TSPAN9: variants seen among roughly 807,000 people sequenced by gnomAD.
TSPAN9 encodes the protein tetraspanin-9.
TSPAN9 carries 16 observed loss-of-function variants against 31.0 expected under a neutral mutation model. The ratio of observed to expected loss-of-function variants is 0.52; its 90% CI spans 0.35 to 0.78. TSPAN9 has a LOEUF of 0.78. Among genes scored for constraint, TSPAN9 ranks in the 30% least tolerant of loss-of-function variants. The pLI, the probability that TSPAN9 is intolerant of heterozygous loss-of-function variation, is 0.01. For missense variants in TSPAN9, 272 were observed against 312.5 expected, an observed-to-expected ratio of 0.87 and a Z score of 0.98; for synonymous variants, 145 against 121.6, an observed-to-expected ratio of 1.19 and a Z score of -1.27.
intron 3 of TSPAN9, among the ~76,000 whole-genome samples, chr12:3,251,814 G>A (rs116213988): frequency 5.3e-4 from 80 of 152,290 alleles, no homozygotes; most frequent in African/African-American, 1.9e-3. Context: ...GGATAGGAGT[G>A]TTATGCTGGA....
intron 3 of TSPAN9, among the ~76,000 whole-genome samples, chr12:3,246,099 T>G (rs1479584233): frequency 2.0e-5 from 3 of 149,974 alleles, no homozygotes; most frequent in African/African-American, 7.3e-5. Context: ...TGGCTTCTGC[T>G]GAGGCCTCAG....
At chr12:3,109,236 A>G (rs373741895) in intron 2 of TSPAN9, among the ~76,000 whole-genome samples, 7 of 145,100 alleles carry the variant, frequency 4.8e-5, no homozygotes, top group African/African-American at 7.8e-5. Context: ...GCTCCTGGCC[A>G]GGAGGAAGGA....
At chr12:3,251,112 T>G (rs1862237550) in intron 3 of TSPAN9, among the ~76,000 whole-genome samples, 1 of 151,570 alleles carries the variant, frequency 6.6e-6, no homozygotes, top group Non-Finnish European at 1.5e-5. Flanking sequence ...GGATTTCAGT[T>G]GGTGACTTTG....
At chr12:3,178,232 T>C (rs566104055) in intron 2 of TSPAN9, among the ~76,000 whole-genome samples, 15 of 152,242 alleles carry the variant, frequency 9.9e-5, no homozygotes, top group Admixed American at 2.0e-4. Context: ...TTTCCCTCCA[T>C]TTGCATTTCT....
chr12:3,184,789 C>G (rs1213148202), intron 2 of TSPAN9, among the ~76,000 whole-genome samples: 2 of 152,048 alleles, frequency 1.3e-5, no homozygotes, highest in Non-Finnish European at 2.9e-5. Context: ...TCTGTGCGTT[C>G]CTTCTCAAGC....
intron 3 of TSPAN9, among the ~76,000 whole-genome samples, chr12:3,277,253 C>A (rs1349773509): frequency 6.6e-6 from 1 of 152,238 alleles, no homozygotes; most frequent in East Asian, 1.9e-4. Context: ...CAAGCCCTTA[C>A]CACCTGCACT....
intron 3 of TSPAN9, among the ~76,000 whole-genome samples, chr12:3,244,881 C>T (rs1218191321): frequency 6.6e-6 from 1 of 152,198 alleles, no homozygotes; most frequent in East Asian, 1.9e-4. Context: ...CCTCCTGGGG[C>T]AGTGGACACA....
At chr12:3,176,442 G>C (rs1260540218) in intron 2 of TSPAN9, among the ~76,000 whole-genome samples, 1 of 152,202 alleles carries the variant, frequency 6.6e-6, no homozygotes, top group African/African-American at 2.4e-5. Context: ...GCACCTCATG[G>C]CTGCTAGTTA....
chr12:3,110,941 G>C (rs75546508), intron 2 of TSPAN9, among the ~76,000 whole-genome samples: 87 of 152,278 alleles, frequency 5.7e-4, no homozygotes, highest in Non-Finnish European at 1.1e-3. Context: ...AAAGCATCCA[G>C]TTTAGAAAGG....
At chr12:3,272,123 AG>A (rs1211970287) in intron 3 of TSPAN9, among the ~76,000 whole-genome samples, 6 of 152,150 alleles carry the variant, frequency 3.9e-5, no homozygotes, top group African/African-American at 1.4e-4. Flanking sequence ...TGAGGGTGTC[AG>A]GGGGGCCAGG....
intron 4 of TSPAN9, 71 bp downstream of exon 4, chr12:3,278,683 A>G: frequency 3.2e-6 from 5 of 1,558,182 alleles, no homozygotes; most frequent in Non-Finnish European, 4.3e-6. Flanking sequence ...GGGACAGGCA[A>G]GACCTGGAAT....
At chr12:3,241,709 C>G (rs942516887) in intron 3 of TSPAN9, among the ~76,000 whole-genome samples, 1 of 152,220 alleles carries the variant, frequency 6.6e-6, no homozygotes, top group African/African-American at 2.4e-5. Context: ...CCGTGACAGG[C>G]GCTGACCTTG....
At chr12:3,145,571 A>C (rs2098336781) in intron 2 of TSPAN9, among the ~76,000 whole-genome samples, 1 of 152,138 alleles carries the variant, frequency 6.6e-6, no homozygotes, top group South Asian at 2.1e-4. Flanking sequence ...GGTGAAGAGA[A>C]ACTCACTCGT....
intron 2 of TSPAN9, among the ~76,000 whole-genome samples, chr12:3,089,926 T>A (rs1438179799): frequency 6.6e-6 from 1 of 151,410 alleles, no homozygotes; most frequent in Non-Finnish European, 1.5e-5. Flanking sequence ...AATAAATAAA[T>A]AAAATAAAAG....
At chr12:3,153,039 G>A (rs971111443) in intron 2 of TSPAN9, among the ~76,000 whole-genome samples, 8 of 152,240 alleles carry the variant, frequency 5.3e-5, no homozygotes, top group African/African-American at 1.9e-4. Flanking sequence ...TCCTTTTATG[G>A]TGCGTGCACG....
At chr12:3,157,741 C>A (rs1485718648) in intron 2 of TSPAN9, among the ~76,000 whole-genome samples, 1 of 152,154 alleles carries the variant, frequency 6.6e-6, no homozygotes, top group East Asian at 1.9e-4. Flanking sequence ...CGTGTTCTTC[C>A]ATTCCCGGGA....
intron 2 of TSPAN9, among the ~76,000 whole-genome samples, chr12:3,137,561 G>T (rs932712171): frequency 1.3e-5 from 2 of 152,160 alleles, no homozygotes; most frequent in African/African-American, 4.8e-5. Context: ...TACCCCCTGG[G>T]TTGCAGTTCA....
At chr12:3,282,747 C>T (rs532993041) in intron 8 of TSPAN9, among the ~76,000 whole-genome samples, 4 of 152,324 alleles carry the variant, frequency 2.6e-5, no homozygotes, top group South Asian at 2.1e-4. Flanking sequence ...CCAGGTCCTC[C>T]GTGCATTCCG....
chr12:3,197,564 C>T lies in TSPAN9; in HGVS notation c.-17-3613C>T, dbSNP rs373350336. Among the ~76,000 whole-genome samples, 69 of 151,980 alleles carry T rather than the reference C, an allele frequency of 4.5e-4. 1 individual carries two copies. Among genetic ancestry groups the T allele is most frequent in the African/African-American group, 1.5e-3 (63 of 41,522 alleles). On this transcript the variant is annotated intron_variant, in intron 2 of 8. Transcript: ENST00000011898. ...TTTCCTTTAAAGTAGGGGAGCTGCACTCAGAATGGGAGAGCTCCACTCAGA... is the reference window on the plus strand; with the variant it reads ...TTTCCTTTAAAGTAGGGGAGCTGCATTCAGAATGGGAGAGCTCCACTCAGA...
Sources: gnomAD v4.1 joint callset for allele counts (sites outside exome capture counted in the v4.1 genomes callset) on GRCh38, gnomAD v4.1.1 for gene constraint, MANE v1.5 for transcripts, NCBI Gene and HGNC (gene_info 2026-07-23, HGNC 2026-07-21) for gene names.